FHIT: variants seen among roughly 807,000 people sequenced by gnomAD.
FHIT encodes fragile histidine triad diadenosine triphosphatase.
In FHIT, 19 loss-of-function variants were observed where a neutral mutation model predicts 17.9. That is an observed-to-expected ratio of 1.06 (90% confidence interval 0.74 to 1.56). FHIT has a LOEUF of 1.56. Ranked by LOEUF, FHIT falls within the 40% of genes most tolerant of loss-of-function variation. The pLI is 0.00. For missense variants in FHIT, 248 were observed against 189.2 expected (o/e 1.31, Z -1.82); for synonymous variants, 81 against 69.7 (o/e 1.16, Z -0.81).
Position 60,614,822 on chromosome 3 carries a change from TTTTTTTTTGTTTTTTTTTTG to T in FHIT, c.-17-77863_-17-77844del, listed in dbSNP as rs1553675127. Reference sequence around the variant, plus strand: ...ATTGCAAAAGTTGTTTTTTTTTTGTTTTTTTTTTGTTTTTTTTTTGTTTTTTGAGATGGAGCCCTGCTCTG... The same window carrying T: ...ATTGCAAAAGTTGTTTTTTTTTTGTTTTTTTTGAGATGGAGCCCTGCTCTG... On this transcript the variant is annotated intron_variant, in intron 4 of 9. Transcript: ENST00000492590. Among the ~76,000 whole-genome samples, 7 of 82,882 alleles carry T rather than the reference TTTTTTTTTGTTTTTTTTTTG, an allele frequency of 8.4e-5. 2 individuals are homozygous for T. The highest frequency in any genetic ancestry group is 7.0e-4 in the South Asian group (2 of 2,864). 54.4% of individuals were successfully genotyped at this position (82,882 alleles called of 152,430 possible).
At chr3:60,543,740 T>C (rs1045134873) in intron 4 of FHIT, among the ~76,000 whole-genome samples, 1 of 151,850 alleles carries the variant, frequency 6.6e-6, no homozygotes, top group Non-Finnish European at 1.5e-5. Context: ...ATTCTCTTTT[T>C]TGTTGTTGTT....
intron 5 of FHIT, among the ~76,000 whole-genome samples, chr3:60,274,949 GT>G (rs1180830139): frequency 6.6e-6 from 1 of 152,086 alleles, no homozygotes; most frequent in African/African-American, 2.4e-5. Context: ...ACAGAATTAT[GT>G]TAGAATAACA....
At chr3:60,376,552 T>A (rs1700570383) in intron 5 of FHIT, among the ~76,000 whole-genome samples, 1 of 152,122 alleles carries the variant, frequency 6.6e-6, no homozygotes, top group South Asian at 2.1e-4. Context: ...TGCTCTAAAA[T>A]CTGTTGTGGT....
At chr3:60,961,526 T>C (rs1709442682) in intron 3 of FHIT, among the ~76,000 whole-genome samples, 5 of 152,320 alleles carry the variant, frequency 3.3e-5, no homozygotes, top group African/African-American at 1.2e-4. Flanking sequence ...CTGAATGGTA[T>C]TGCCTAGGTT....
rs34113926 is a variant in FHIT at position 60,117,494 on chromosome 3, TAAAA to T, written c.104-103346_104-103343del. Among the ~76,000 whole-genome samples the T allele has an allele frequency of 4.3e-3, 375 of 86,778 alleles. 1 individual carries two copies. The highest frequency in any genetic ancestry group is 0.015 in the African/African-American group (325 of 22,380). The allele number at this position is 86,778 out of a possible 152,430, so 56.9% of individuals were successfully genotyped here. A position where few individuals can be genotyped will look rare whatever the true frequency, so the allele number is the denominator to read the frequency against. ...GACCCAAAGTCTATTACTTCCTATC[TAAAA>T]AAAAAAAAAAAAAAAAAAAAAGACA... On this transcript the variant is annotated intron_variant, in intron 5 of 9. Coordinates refer to ENST00000492590, the MANE Select transcript of FHIT (RefSeq NM_002012.4).
intron 5 of FHIT, among the ~76,000 whole-genome samples, chr3:60,482,046 C>G (rs1249185244): frequency 6.6e-6 from 1 of 152,144 alleles, no homozygotes; most frequent in South Asian, 2.1e-4. Flanking sequence ...ACAAAACAAA[C>G]TTTAAACCAA....
intron 5 of FHIT, among the ~76,000 whole-genome samples, chr3:60,051,740 C>T (rs542563312): frequency 2.6e-5 from 4 of 152,060 alleles, no homozygotes; most frequent in Admixed American, 6.5e-5. Context: ...TCTAAGCTGC[C>T]AAGTCCCCAA....
At position 60,068,184 on chromosome 3, in the gene FHIT, G is replaced by A. The variant is rs563678422; in HGVS notation, c.104-54032C>T. On this transcript the variant is annotated intron_variant, in intron 5 of 9. Coordinates refer to ENST00000492590, the MANE Select transcript of FHIT (RefSeq NM_002012.4). ...CAGGAGGCAGAGGTTGCAGTGAGCTGAGATCGCACCACTGCACTCCAGCCT... is the reference window on the plus strand; with the variant it reads ...CAGGAGGCAGAGGTTGCAGTGAGCTAAGATCGCACCACTGCACTCCAGCCT... 2.0e-5 allele frequency among the ~76,000 whole-genome samples: 3 copies of A among 152,256 alleles called. No homozygotes were observed. In the South Asian group the frequency reaches 6.2e-4, roughly 32 times the overall value.
chr3:59,809,466 T>A (rs1700329509), intron 8 of FHIT, among the ~76,000 whole-genome samples: 1 of 152,194 alleles, frequency 6.6e-6, no homozygotes, highest in African/African-American at 2.4e-5. Flanking sequence ...TTTTGGTTGT[T>A]TTATGCCACT....
At chr3:60,493,631 A>G (rs1271082038) in intron 5 of FHIT, among the ~76,000 whole-genome samples, 8 of 152,180 alleles carry the variant, frequency 5.3e-5, no homozygotes, top group Admixed American at 5.2e-4. Context: ...CATTTCCAAA[A>G]TGACATTTTT....
chr3:60,092,675 C>T (rs1361806544), intron 5 of FHIT, among the ~76,000 whole-genome samples: 2 of 152,106 alleles, frequency 1.3e-5, no homozygotes, highest in Non-Finnish European at 2.9e-5. Flanking sequence ...GAGTGAAACA[C>T]TGGTAAACTC....
chr3:59,865,804 T>C (rs1428440498), intron 8 of FHIT, among the ~76,000 whole-genome samples: 7 of 152,046 alleles, frequency 4.6e-5, no homozygotes, highest in Non-Finnish European at 1.0e-4. Context: ...CAACCAACAG[T>C]CTAGGGCTAC....
Position 60,046,057 on chromosome 3 carries a change from T to C in FHIT, c.104-31905A>G, listed in dbSNP as rs75036769. 4.2e-3 allele frequency among the ~76,000 whole-genome samples: 647 copies of C among 152,352 alleles called. 3 individuals carry two copies. Among genetic ancestry groups the C allele is most frequent in the African/African-American group, 0.014 (600 of 41,580 alleles). ...ATGATCAGCTGTGTTTCCAGAAGTA[T>C]GAATGGATTTATCCTATATTTCTGC... On this transcript the variant is annotated intron_variant, in intron 5 of 9. Transcript: ENST00000492590.
At chr3:60,589,143 A>C (rs994981506) in intron 4 of FHIT, among the ~76,000 whole-genome samples, 33 of 152,046 alleles carry the variant, frequency 2.2e-4, no homozygotes, top group African/African-American at 7.2e-4. Context: ...TTAAATAGAG[A>C]AACTATTTGA....
At chr3:59,899,143 C>T (rs1398827579) in intron 8 of FHIT, among the ~76,000 whole-genome samples, 4 of 152,212 alleles carry the variant, frequency 2.6e-5, no homozygotes. Context: ...GGGCAACTGA[C>T]ATAACCTTTC....
intron 3 of FHIT, among the ~76,000 whole-genome samples, chr3:60,909,283 C>T (rs1485966124): frequency 1.3e-5 from 2 of 150,606 alleles, no homozygotes; most frequent in Non-Finnish European, 2.9e-5. Context: ...GCAGGAGAAT[C>T]GCTTGAACCC....
chr3:61,226,560 A>G (rs1315468883), intron 1 of FHIT, among the ~76,000 whole-genome samples: 4 of 152,202 alleles, frequency 2.6e-5, no homozygotes, highest in Non-Finnish European at 4.4e-5. Context: ...GCAATGAGAT[A>G]CAATCGTGAT....
At chr3:59,963,624 G>C (rs1035554538) in intron 7 of FHIT, among the ~76,000 whole-genome samples, 1 of 152,144 alleles carries the variant, frequency 6.6e-6, no homozygotes, top group Non-Finnish European at 1.5e-5. Context: ...TCATACTTAT[G>C]ATTTCATTTA....
intron 5 of FHIT, among the ~76,000 whole-genome samples, chr3:60,014,428 G>C (rs192112065): frequency 7.8e-4 from 119 of 152,316 alleles, no homozygotes; most frequent in African/African-American, 2.5e-3. Flanking sequence ...CAAGTGTATG[G>C]TGAGATAATT....
Sources: gnomAD v4.1 joint callset for allele counts (sites outside exome capture counted in the v4.1 genomes callset) on GRCh38, gnomAD v4.1.1 for gene constraint, MANE v1.5 for transcripts, NCBI Gene and HGNC (gene_info 2026-07-23, HGNC 2026-07-21) for gene names.